DCC: variants seen among roughly 807,000 people sequenced by gnomAD.
DCC encodes the protein netrin receptor DCC.
A neutral mutation model predicts 172.5 loss-of-function variants in DCC; 58 were observed. The ratio of observed to expected loss-of-function variants is 0.34; its 90% CI spans 0.27 to 0.42. The LOEUF is 0.42. DCC is among the 10% of genes least tolerant of loss of function. The probability of loss-of-function intolerance (pLI) is 1.00; values close to 1 mark genes in which losing one functional copy is unlikely to be tolerated. For synonymous variants in DCC, 709 were observed against 644.5 expected, an observed-to-expected ratio of 1.10 and a Z score of -1.52; for missense variants, 1,740 against 1,791.0, an observed-to-expected ratio of 0.97 and a Z score of 0.51.
intron 15 of DCC, among the ~76,000 whole-genome samples, chr18:53,371,375 G>C (rs2058058813): frequency 6.6e-6 from 1 of 151,976 alleles, no homozygotes; most frequent in Non-Finnish European, 1.5e-5. Context: ...TCAAAGAAGT[G>C]GGACTGGTGA....
intron 13 of DCC, among the ~76,000 whole-genome samples, chr18:53,306,613 A>G (rs1288543992): frequency 6.6e-6 from 1 of 152,246 alleles, no homozygotes; most frequent in African/African-American, 2.4e-5. Context: ...GGTTGAGTTC[A>G]CCAACAGCTT....
At chr18:53,045,313 C>A (rs897996012) in intron 5 of DCC, among the ~76,000 whole-genome samples, 3 of 151,800 alleles carry the variant, frequency 2.0e-5, no homozygotes, top group African/African-American at 7.2e-5. Context: ...AATGCAAGGA[C>A]AAAAATGTAA....
At chr18:52,616,630 T>C (rs1476977659) in intron 1 of DCC, among the ~76,000 whole-genome samples, 1 of 152,176 alleles carries the variant, frequency 6.6e-6, no homozygotes, top group African/African-American at 2.4e-5. Flanking sequence ...ATTAAAACTA[T>C]ATACTAAGAG....
At chr18:52,724,523 A>G (rs2036523189) in intron 1 of DCC, among the ~76,000 whole-genome samples, 1 of 152,030 alleles carries the variant, frequency 6.6e-6, no homozygotes. Flanking sequence ...AAATTTGCCT[A>G]AATTTCCTGT....
chr18:52,987,667 C>T (rs537413458), intron 5 of DCC, among the ~76,000 whole-genome samples: 6 of 152,268 alleles, frequency 3.9e-5, no homozygotes, highest in Admixed American at 1.3e-4. Flanking sequence ...ACAGAGCCCA[C>T]CACTGTAGTT....
intron 12 of DCC, among the ~76,000 whole-genome samples, chr18:53,245,800 T>G (rs184896312): frequency 2.6e-4 from 39 of 152,246 alleles, no homozygotes; most frequent in Middle Eastern, 3.4e-3. Flanking sequence ...AGGAGTATCT[T>G]ATTTTCTATC....
intron 1 of DCC, among the ~76,000 whole-genome samples, chr18:52,749,358 C>T: frequency 6.6e-6 from 1 of 152,088 alleles, no homozygotes; most frequent in Non-Finnish European, 1.5e-5. Context: ...TCACTGGGGA[C>T]CCACCCCTGT....
At chr18:53,291,739 G>T (rs2057007431) in intron 12 of DCC, among the ~76,000 whole-genome samples, 2 of 152,126 alleles carry the variant, frequency 1.3e-5, no homozygotes, top group African/African-American at 2.4e-5. Flanking sequence ...AGGACCTAGT[G>T]ATCTGAAAGA....
intron 9 of DCC, among the ~76,000 whole-genome samples, chr18:53,189,331 G>A (rs763468177): frequency 1.3e-5 from 2 of 151,944 alleles, no homozygotes; most frequent in Non-Finnish European, 2.9e-5. Flanking sequence ...ATCAATTGAA[G>A]GTCAAACAGT....
intron 7 of DCC, among the ~76,000 whole-genome samples, chr18:53,071,257 T>A (rs1250221862): frequency 6.6e-6 from 1 of 152,200 alleles, no homozygotes; most frequent in Admixed American, 6.5e-5. Flanking sequence ...GGAAATAAAA[T>A]GAACATAATC....
intron 1 of DCC, among the ~76,000 whole-genome samples, chr18:52,386,065 T>C (rs1400647807): frequency 6.6e-6 from 1 of 152,100 alleles, no homozygotes; most frequent in Non-Finnish European, 1.5e-5. Context: ...TTTAGGTTGT[T>C]TCTAGACATC....
intron 2 of DCC, among the ~76,000 whole-genome samples, chr18:52,770,653 G>C (rs1319338026): frequency 6.6e-6 from 1 of 152,194 alleles, no homozygotes; most frequent in African/African-American, 2.4e-5. Context: ...CCAAGGAGCT[G>C]AGGGTTAAGC....
intron 1 of DCC, among the ~76,000 whole-genome samples, chr18:52,743,817 T>A (rs958384226): frequency 6.6e-6 from 1 of 152,184 alleles, no homozygotes; most frequent in African/African-American, 2.4e-5. Flanking sequence ...CAAATTTAGT[T>A]CCCTGTAAAG....
chr18:53,187,286 C>A (rs1474769844), intron 9 of DCC, among the ~76,000 whole-genome samples: 1 of 151,828 alleles, frequency 6.6e-6, no homozygotes, highest in Non-Finnish European at 1.5e-5. Context: ...CCACACCTGG[C>A]AAAGTTTTTG....
At chr18:52,832,952 T>C (rs1213771192) in intron 2 of DCC, among the ~76,000 whole-genome samples, 1 of 152,148 alleles carries the variant, frequency 6.6e-6, no homozygotes, top group Non-Finnish European at 1.5e-5. Flanking sequence ...ATATTAATGA[T>C]GTGGAACTAC....
intron 25 of DCC, among the ~76,000 whole-genome samples, chr18:53,485,915 TC>T (rs1459598329): frequency 2.0e-5 from 3 of 152,020 alleles, no homozygotes; most frequent in Non-Finnish European, 4.4e-5. Flanking sequence ...GGCATTACCA[TC>T]TAAATAAATA....
At chr18:52,910,830 A>T (rs1012524228) in intron 3 of DCC, among the ~76,000 whole-genome samples, 2 of 152,112 alleles carry the variant, frequency 1.3e-5, no homozygotes. Context: ...CCTTAACTAA[A>T]TATTTATCTA....
chr18:52,455,531 T>A, intron 1 of DCC, among the ~76,000 whole-genome samples: 1 of 152,212 alleles, frequency 6.6e-6, no homozygotes. Flanking sequence ...GAGGGCTCAA[T>A]GATCCTCAGA....
chr18:52,919,610 T>C (rs2040089762), intron 3 of DCC, among the ~76,000 whole-genome samples: 1 of 148,294 alleles, frequency 6.7e-6, no homozygotes, highest in Non-Finnish European at 1.5e-5. Flanking sequence ...ATATGCTCTA[T>C]CTGAAAATGG....
Sources: allele counts gnomAD v4.1 joint callset (sites outside exome capture counted in the v4.1 genomes callset), GRCh38; gene constraint gnomAD v4.1.1; transcripts MANE v1.5; gene names NCBI Gene and HGNC (gene_info 2026-07-23, HGNC 2026-07-21).